SLC4A10: variants seen among roughly 807,000 people sequenced by gnomAD.
The protein encoded by SLC4A10 is sodium-driven chloride bicarbonate exchanger.
Under a neutral mutation model 137.7 loss-of-function variants are expected in SLC4A10, and 42 were observed. The observed-to-expected ratio is 0.30, with a 90% CI of 0.24 to 0.39. SLC4A10 has a LOEUF of 0.39. SLC4A10 is among the 10% of genes least tolerant of loss of function. The pLI is 1.00. For missense variants in SLC4A10, 925 were observed against 1,355.0 expected (o/e 0.68, Z 4.98); for synonymous variants, 474 against 464.1 (o/e 1.02, Z -0.27).
chr2:161,798,104 C>T (rs2054978108), intron 2 of SLC4A10, among the ~76,000 whole-genome samples: 1 of 151,950 alleles, frequency 6.6e-6, no homozygotes. Flanking sequence ...CTCTTTGTTT[C>T]TCTGTTACTC....
intron 3 of SLC4A10, among the ~76,000 whole-genome samples, chr2:161,837,825 G>A (rs112307088): frequency 1.3e-3 from 192 of 152,194 alleles, no homozygotes; most frequent in African/African-American, 4.3e-3. Flanking sequence ...TTAGGAGATC[G>A]GGCCTTTGGG....
chr2:161,955,486 T>G (rs1455898759), intron 19 of SLC4A10, among the ~76,000 whole-genome samples: 2 of 152,194 alleles, frequency 1.3e-5, no homozygotes, highest in Admixed American at 1.3e-4. Flanking sequence ...AATTGTAGTA[T>G]TGCCCCAGTA....
intron 15 of SLC4A10, among the ~76,000 whole-genome samples, chr2:161,941,317 A>G (rs1371311643): frequency 6.6e-6 from 1 of 152,184 alleles, no homozygotes; most frequent in Non-Finnish European, 1.5e-5. Context: ...CAAGTGGGAA[A>G]TGGAGCCTCT....
intron 20 of SLC4A10, among the ~76,000 whole-genome samples, chr2:161,957,844 C>T (rs959130428): frequency 2.6e-5 from 4 of 151,898 alleles, no homozygotes; most frequent in Admixed American, 1.3e-4. Flanking sequence ...GTGTCAATTG[C>T]GCTATAAATT....
At chr2:161,951,621 T>A (rs563671105) in intron 19 of SLC4A10, among the ~76,000 whole-genome samples, 1 of 152,278 alleles carries the variant, frequency 6.6e-6, no homozygotes, top group Admixed American at 6.5e-5. Context: ...TTTGGTATCG[T>A]GGGGTAGTTG....
chr2:161,655,785 C>T (rs1037602049), intron 1 of SLC4A10, among the ~76,000 whole-genome samples: 1 of 151,012 alleles, frequency 6.6e-6, no homozygotes, highest in African/African-American at 2.4e-5. Flanking sequence ...AAAATACTAG[C>T]GAATTGTAGT....
chr2:161,806,091 G>C (rs1381322265), intron 3 of SLC4A10, among the ~76,000 whole-genome samples: 1 of 152,256 alleles, frequency 6.6e-6, no homozygotes, highest in East Asian at 1.9e-4. Flanking sequence ...CATGGAAGCT[G>C]CCAAGGCTTG....
intron 1 of SLC4A10, among the ~76,000 whole-genome samples, chr2:161,684,477 G>T (rs1279716639): frequency 3.3e-5 from 5 of 152,154 alleles, no homozygotes; most frequent in African/African-American, 4.8e-5. Context: ...ACAAAACAAG[G>T]ACATTCTTTT....
chr2:161,720,897 C>G lies in SLC4A10; in HGVS notation c.49-50076C>G, dbSNP rs965346496. On this transcript the variant is annotated intron_variant, in intron 1 of 26. Transcript: ENST00000446997. ...CCAGGCTGGAGTACAGTGGCATGAT[C>G]TTGGTCACTGCAACCTCTGCCCCCA... Among the ~76,000 whole-genome samples the G allele has an allele frequency of 7.3e-5, 11 of 150,872 alleles. No individual in the cohort carries two copies. In the South Asian group the frequency reaches 1.0e-3, roughly 14 times the overall value.
chr2:161,686,270 G>C (rs1261824010), intron 1 of SLC4A10, among the ~76,000 whole-genome samples: 1 of 152,050 alleles, frequency 6.6e-6, no homozygotes, highest in Non-Finnish European at 1.5e-5. Flanking sequence ...ACATTGTTAT[G>C]TTCTTATGGG....
chr2:161,838,513 C>T (rs1399074179), intron 3 of SLC4A10, among the ~76,000 whole-genome samples: 2 of 152,068 alleles, frequency 1.3e-5, no homozygotes, highest in African/African-American at 4.8e-5. Flanking sequence ...CAGTGAAAGA[C>T]ACTGCTAAAA....
rs1700496981 is a variant in SLC4A10, at chr2:161,983,499, A to G, written c.*347A>G. The stretch of plus-strand genomic sequence containing the variant: ...TTAGACATTTGTAAACTGGATTCTG[A>G]TTGTCAGTTTTATGAGAGCAATAGC... On this transcript the variant is annotated 3_prime_UTR_variant, in exon 27 of 27. Transcript: ENST00000446997. The G allele has an allele frequency of 1.5e-5, 6 of 398,074 alleles. No homozygotes were observed. Among genetic ancestry groups the G allele is most frequent in the Non-Finnish European group, 1.3e-5 (3 of 225,822 alleles). 24.7% of individuals were successfully genotyped at this position (398,074 alleles called of 1,614,324 possible).
At chr2:161,946,788 GA>G (rs1458260081) in intron 16 of SLC4A10, among the ~76,000 whole-genome samples, 1 of 151,998 alleles carries the variant, frequency 6.6e-6, no homozygotes, top group Non-Finnish European at 1.5e-5. Context: ...AGTTGCAGAA[GA>G]AAAAATAATC....
chr2:161,628,724 A>T lies in SLC4A10; in HGVS notation c.48+4158A>T, dbSNP rs192911725. ...ATTAATCCCCGTTTCTACTTTCATG[A>T]TTTGAATTGTTACTCTAGCATGGTG... On this transcript the variant is annotated intron_variant, in intron 1 of 26. Transcript: ENST00000446997. Among the ~76,000 whole-genome samples the T allele has an allele frequency of 5.9e-3, 900 of 152,138 alleles. 10 individuals are homozygous for T. The highest frequency in any genetic ancestry group is 0.02 in the African/African-American group (846 of 41,534).
chr2:161,838,480 T>A (rs538057682), intron 3 of SLC4A10, among the ~76,000 whole-genome samples: 24 of 152,248 alleles, frequency 1.6e-4, no homozygotes, highest in Admixed American at 5.9e-4. Context: ...AATCAGAATT[T>A]ATCAAAATTT....
intron 1 of SLC4A10, among the ~76,000 whole-genome samples, chr2:161,640,679 T>C (rs1479121052): frequency 6.8e-6 from 1 of 146,484 alleles, no homozygotes; most frequent in Non-Finnish European, 1.5e-5. Context: ...TGAGATGGGG[T>C]CTTGCCATGT....
At chr2:161,745,313 T>G (rs1364827754) in intron 1 of SLC4A10, among the ~76,000 whole-genome samples, 1 of 152,192 alleles carries the variant, frequency 6.6e-6, no homozygotes, top group East Asian at 1.9e-4. Context: ...GCTCACTGAT[T>G]CTTTCTTCTT....
rs771937357 is a variant in SLC4A10, at chr2:161,949,217, A to T, written c.2335A>T (p.Ile779Phe). The change falls in exon 18 of 27, where the codon ATT becomes TTT. Residue 779 changes from isoleucine (I) to phenylalanine (F), a missense_variant. Coordinates refer to ENST00000446997, the MANE Select transcript of SLC4A10 (RefSeq NM_001178015.2). ...ILCMVLIDYA[I>F]GIPSPKLQVP... ...GTGTATGGTTTTAATTGACTATGCC[A>T]TTGGGATCCCATCTCCAAAACTACA... 1 of 1,611,508 alleles carries T rather than the reference A, an allele frequency of 6.2e-7. No individual in the cohort carries two copies. The highest frequency in any genetic ancestry group is 1.3e-5 in the African/African-American group (1 of 74,758).
intron 23 of SLC4A10, among the ~76,000 whole-genome samples, chr2:161,967,439 A>T (rs1305198211): frequency 6.6e-6 from 1 of 152,232 alleles, no homozygotes; most frequent in East Asian, 1.9e-4. Context: ...TTCATCAAGT[A>T]TACGATAATC....
Sources: allele counts gnomAD v4.1 joint callset (sites outside exome capture counted in the v4.1 genomes callset), GRCh38; gene constraint gnomAD v4.1.1; transcripts MANE v1.5; gene names NCBI Gene and HGNC (gene_info 2026-07-23, HGNC 2026-07-21).